MAML2: variants seen among roughly 807,000 people sequenced by gnomAD.
MAML2 encodes mastermind like transcriptional coactivator 2.
MAML2 carries 22 observed loss-of-function variants against 96.1 expected under a neutral mutation model. The ratio of observed to expected loss-of-function variants is 0.23; its 90% CI spans 0.16 to 0.33. The LOEUF is 0.33. Ranked by LOEUF, MAML2 falls within the 10% of genes least tolerant of loss-of-function variation. The probability of loss-of-function intolerance (pLI) is 1.00; values close to 1 mark genes in which losing one functional copy is unlikely to be tolerated. For missense variants in MAML2, 1,367 were observed against 1,392.4 expected (o/e 0.98, Z 0.29); for synonymous variants, 561 against 521.3 (o/e 1.08, Z -1.04).
intron 2 of MAML2, among the ~76,000 whole-genome samples, chr11:96,027,263 C>CT (rs1271153550): frequency 4.6e-5 from 7 of 152,144 alleles, no homozygotes; most frequent in Non-Finnish European, 1.0e-4. Context: ...TTATAGAGTG[C>CT]TATTAAAGCT....
intron 1 of MAML2, among the ~76,000 whole-genome samples, chr11:96,239,104 T>C (rs376799645): frequency 6.6e-6 from 1 of 152,226 alleles, no homozygotes; most frequent in South Asian, 2.1e-4. Context: ...TCAGAATTGG[T>C]CCATTAAATA....
At chr11:96,098,310 A>G (rs1308493452) in intron 1 of MAML2, among the ~76,000 whole-genome samples, 1 of 152,252 alleles carries the variant, frequency 6.6e-6, no homozygotes, top group Non-Finnish European at 1.5e-5. Context: ...CTATCAAATC[A>G]TCCCTGGCAT....
intron 2 of MAML2, among the ~76,000 whole-genome samples, chr11:96,039,071 T>G (rs1047156101): frequency 1.3e-5 from 2 of 152,058 alleles, no homozygotes; most frequent in Non-Finnish European, 2.9e-5. Flanking sequence ...GGCAACATAG[T>G]GAGACCCTGT....
chr11:96,012,930 C>G (rs1858287714), intron 2 of MAML2, among the ~76,000 whole-genome samples: 1 of 152,176 alleles, frequency 6.6e-6, no homozygotes, highest in South Asian at 2.1e-4. Context: ...TTCAATGTTC[C>G]CTTTTCCTGT....
intron 1 of MAML2, among the ~76,000 whole-genome samples, chr11:96,210,343 A>G (rs1399750862): frequency 6.6e-6 from 1 of 152,186 alleles, no homozygotes; most frequent in African/African-American, 2.4e-5. Context: ...TCCTGACCTC[A>G]GGTGATCTGC....
intron 2 of MAML2, among the ~76,000 whole-genome samples, chr11:96,085,437 C>A (rs1859594147): frequency 6.6e-6 from 1 of 152,252 alleles, no homozygotes; most frequent in Non-Finnish European, 1.5e-5. Context: ...ACAAAAAGAA[C>A]CACCACCCCC....
intron 1 of MAML2, among the ~76,000 whole-genome samples, chr11:96,200,992 G>T (rs1012373186): frequency 6.6e-6 from 1 of 151,806 alleles, no homozygotes; most frequent in Non-Finnish European, 1.5e-5. Flanking sequence ...TATTTCATAA[G>T]ATTACAATGA....
At chr11:96,228,920 A>G (rs1862251881) in intron 1 of MAML2, among the ~76,000 whole-genome samples, 1 of 152,040 alleles carries the variant, frequency 6.6e-6, no homozygotes, top group Non-Finnish European at 1.5e-5. Flanking sequence ...TATCTTTGAC[A>G]TATTTTAAAC....
intron 1 of MAML2, among the ~76,000 whole-genome samples, chr11:96,199,260 T>C (rs1861780421): frequency 6.6e-6 from 1 of 151,016 alleles, no homozygotes; most frequent in Non-Finnish European, 1.5e-5. Flanking sequence ...TGCAGGTATT[T>C]TCTCCTTCTT....
At chr11:96,217,237 C>A (rs772932245) in intron 1 of MAML2, among the ~76,000 whole-genome samples, 1 of 152,192 alleles carries the variant, frequency 6.6e-6, no homozygotes, top group Non-Finnish European at 1.5e-5. Flanking sequence ...TTGATCCTTG[C>A]AAATGCAGTG....
At chr11:96,030,583 A>G (rs1216956697) in intron 2 of MAML2, among the ~76,000 whole-genome samples, 2 of 152,238 alleles carry the variant, frequency 1.3e-5, no homozygotes, top group African/African-American at 4.8e-5. Context: ...GGCATCCCCA[A>G]ATATAGAATT....
At chr11:96,315,901 C>T (rs528512315) in intron 1 of MAML2, among the ~76,000 whole-genome samples, 16 of 152,304 alleles carry the variant, frequency 1.1e-4, no homozygotes, top group African/African-American at 3.1e-4. Context: ...ATGGTCAGAT[C>T]GGCAGGTAGA....
chr11:96,337,927 T>A (rs1485102742), intron 1 of MAML2, among the ~76,000 whole-genome samples: 2 of 152,228 alleles, frequency 1.3e-5, no homozygotes, highest in Non-Finnish European at 1.5e-5. Flanking sequence ...GCTAAGTGAC[T>A]TGTCCTAGGT....
chr11:96,325,207 G>T (rs1165299153), intron 1 of MAML2, among the ~76,000 whole-genome samples: 1 of 151,918 alleles, frequency 6.6e-6, no homozygotes, highest in Non-Finnish European at 1.5e-5. Context: ...ATACATTTGG[G>T]GTTTAGCTAT....
intron 2 of MAML2, among the ~76,000 whole-genome samples, chr11:96,074,482 T>C (rs923199847): frequency 1.3e-5 from 2 of 152,248 alleles, no homozygotes; most frequent in African/African-American, 4.8e-5. Context: ...GGAAATGCTA[T>C]CAAAAGATTC....
At chr11:96,282,752 C>A (rs1376107295) in intron 1 of MAML2, among the ~76,000 whole-genome samples, 1 of 152,098 alleles carries the variant, frequency 6.6e-6, no homozygotes, top group Non-Finnish European at 1.5e-5. Context: ...TTTAAATGAC[C>A]TCAAAAAATT....
chr11:96,342,651 A>G lies in MAML2; in HGVS notation c.-756T>C. On this transcript the variant is annotated 5_prime_UTR_variant, in exon 1 of 5. Coordinates refer to ENST00000524717, the MANE Select transcript of MAML2 (RefSeq NM_032427.4). The stretch of plus-strand genomic sequence containing the variant: ...GGGAGACAGCTTTTCAACTGTTAAC[A>G]ATGTCAGTAATTGGACTTTTGGACC... 2.6e-6 allele frequency: 1 copy of G among 380,774 alleles called. No homozygotes were observed. The highest frequency in any genetic ancestry group is 4.6e-6 in the Non-Finnish European group (1 of 215,466). 23.6% of individuals were successfully genotyped at this position (380,774 alleles called of 1,614,324 possible). A position where few individuals can be genotyped will look rare whatever the true frequency, so the allele number is the denominator to read the frequency against.
intron 2 of MAML2, among the ~76,000 whole-genome samples, chr11:96,056,607 G>T (rs1364939440): frequency 1.3e-5 from 2 of 152,142 alleles, no homozygotes; most frequent in Admixed American, 1.3e-4. Flanking sequence ...CTTCAGAAAT[G>T]CAAGGTTAGA....
chr11:96,223,082 C>T (rs1225994996), intron 1 of MAML2, among the ~76,000 whole-genome samples: 1 of 151,986 alleles, frequency 6.6e-6, no homozygotes, highest in African/African-American at 2.4e-5. Flanking sequence ...TAATATTACA[C>T]TTCATTTTTA....
Sources: gnomAD v4.1 joint callset for allele counts (sites outside exome capture counted in the v4.1 genomes callset) on GRCh38, gnomAD v4.1.1 for gene constraint, MANE v1.5 for transcripts, NCBI Gene and HGNC (gene_info 2026-07-23, HGNC 2026-07-21) for gene names.